Variants in SLC49A4 observed in about 807,000 individuals in gnomAD.
SLC49A4 encodes the protein solute carrier family 49 member 4.
Under a neutral mutation model 50.6 loss-of-function variants are expected in SLC49A4, and 36 were observed. That is an observed-to-expected ratio of 0.71 (90% CI 0.55 to 0.94). The LOEUF (loss-of-function observed/expected upper bound fraction) is 0.94, where lower values mean the gene tolerates loss of function less well. Among genes scored for constraint, SLC49A4 ranks in the 40% least tolerant of loss-of-function variants. The pLI is 0.00. For synonymous variants in SLC49A4, 248 were observed against 241.2 expected (o/e 1.03, Z -0.26); for missense variants, 503 against 605.7 (o/e 0.83, Z 1.78).
intron 3 of SLC49A4, among the ~76,000 whole-genome samples, chr3:122,829,302 T>C (rs1376960069): frequency 6.6e-6 from 1 of 152,220 alleles, no homozygotes; most frequent in Non-Finnish European, 1.5e-5. Context: ...ATTTATGGAA[T>C]GTATCATATC....
intron 4 of SLC49A4, among the ~76,000 whole-genome samples, chr3:122,834,568 A>G (rs535527983): frequency 6.6e-5 from 10 of 152,204 alleles, no homozygotes; most frequent in Non-Finnish European, 1.5e-4. Flanking sequence ...AAGCAGCGCT[A>G]AGAGGAAAGT....
chr3:122,813,232 C>A (rs1480416770), intron 2 of SLC49A4, among the ~76,000 whole-genome samples: 1 of 144,206 alleles, frequency 6.9e-6, no homozygotes. Flanking sequence ...TAGAGCGAGA[C>A]TCTGTCTCAA....
chr3:122,828,519 G>A (rs1936566575), intron 3 of SLC49A4, among the ~76,000 whole-genome samples: 1 of 152,194 alleles, frequency 6.6e-6, no homozygotes, highest in African/African-American at 2.4e-5. Context: ...CTTAGATCTA[G>A]TGAGAGTACT....
intron 8 of SLC49A4, among the ~76,000 whole-genome samples, chr3:122,873,146 C>T (rs139513312): frequency 3.3e-5 from 5 of 151,940 alleles, no homozygotes; most frequent in East Asian, 1.9e-4. Context: ...AAATAATAAC[C>T]GTGCTAACCT....
chr3:122,879,218 G>A (rs1254784883), intron 8 of SLC49A4, 45 bp from the exon 9 acceptor site: 7 of 1,380,044 alleles, frequency 5.1e-6, no homozygotes, highest in Non-Finnish European at 7.2e-6. Context: ...GTGGTCTGCT[G>A]GTGATACATG....
intron 5 of SLC49A4, among the ~76,000 whole-genome samples, chr3:122,851,838 T>C (rs961609048): frequency 2.0e-5 from 3 of 152,172 alleles, no homozygotes; most frequent in African/African-American, 7.2e-5. Context: ...CCCACTTTTT[T>C]TTGTTATGAC....
intron 4 of SLC49A4, among the ~76,000 whole-genome samples, 156 bp from the exon 5 acceptor site, chr3:122,845,606 CG>C (rs1437911697): frequency 2.3e-4 from 27 of 115,680 alleles, no homozygotes; most frequent in Middle Eastern, 5.2e-3. Context: ...CTTTCCAGCA[CG>C]TTTTTTTTTT....
At chr3:122,809,276 A>G (rs1487525076) in intron 2 of SLC49A4, among the ~76,000 whole-genome samples, 1 of 152,222 alleles carries the variant, frequency 6.6e-6, no homozygotes, top group Non-Finnish European at 1.5e-5. Flanking sequence ...ATAATTTTCC[A>G]TCCTTCTCAG....
chr3:122,796,056 G>C (rs1196306756), intron 1 of SLC49A4, among the ~76,000 whole-genome samples: 1 of 152,204 alleles, frequency 6.6e-6, no homozygotes, highest in Non-Finnish European at 1.5e-5. Context: ...GTGCTCGGCA[G>C]CTTTAAAATG....
At chr3:122,831,982 GA>G (rs947886308) in intron 3 of SLC49A4, among the ~76,000 whole-genome samples, 15 of 149,502 alleles carry the variant, frequency 1.0e-4, no homozygotes, top group East Asian at 5.9e-4. Context: ...AAAAAAGAAA[GA>G]AAAAAAAGGA....
intron 2 of SLC49A4, among the ~76,000 whole-genome samples, chr3:122,825,642 A>AG (rs1936515483): frequency 6.6e-6 from 1 of 151,746 alleles, no homozygotes; most frequent in East Asian, 1.9e-4. Context: ...GTTTAAAAAA[A>AG]AAAAGAGGAT....
rs1270120351 is a variant in SLC49A4, at chr3:122,857,386, C to T, written c.1010+1012C>T. ...TATTTCCAAAGAGATAATATTCATT[C>T]ACTTCCCAAATCATTTTACTCTGCT... is the stretch of plus-strand genomic sequence containing the variant. On this transcript the variant is annotated intron_variant, in intron 6 of 8. Transcript: ENST00000261038. Among the ~76,000 whole-genome samples the T allele has an allele frequency of 4.0e-5, 6 of 151,222 alleles. No homozygotes were observed. The South Asian group carries it at 8.4e-4, about 21-fold the overall frequency.
chr3:122,852,642 TC>T (rs1936940380), intron 5 of SLC49A4, among the ~76,000 whole-genome samples: 1 of 152,198 alleles, frequency 6.6e-6, no homozygotes. Context: ...TGGGCTTTAG[TC>T]CCTCAGGAGG....
chr3:122,802,774 A>C (rs1182896194), intron 1 of SLC49A4, among the ~76,000 whole-genome samples: 2 of 152,212 alleles, frequency 1.3e-5, no homozygotes, highest in African/African-American at 4.8e-5. Context: ...AAAAAAATAT[A>C]CTGGACAGGA....
intron 2 of SLC49A4, among the ~76,000 whole-genome samples, chr3:122,814,564 A>G (rs1936339097): frequency 6.6e-6 from 1 of 152,198 alleles, no homozygotes. Flanking sequence ...TATTGACAGC[A>G]TATGTATATG....
At chr3:122,842,261 C>T (rs1056132521) in intron 4 of SLC49A4, among the ~76,000 whole-genome samples, 16 of 151,676 alleles carry the variant, frequency 1.1e-4, no homozygotes, top group African/African-American at 3.9e-4. Context: ...CCGAGGCGGG[C>T]GGATCACGAG....
rs749949978 is a variant in SLC49A4 at position 122,880,117 on chromosome 3, G to GA, written c.*745dup. Reference sequence around the variant, plus strand: ...AATATGATTACATTAAATATTGTATGAAAAAATGTAATTCCATTAGGATCT... The same window carrying GA: ...AATATGATTACATTAAATATTGTATGAAAAAAATGTAATTCCATTAGGATCT... On this transcript the variant is annotated 3_prime_UTR_variant, in exon 9 of 9. Coordinates refer to ENST00000261038, the MANE Select transcript of SLC49A4 (RefSeq NM_032839.3). 6.6e-6 allele frequency: 1 copy of GA among 152,120 alleles called. No homozygotes were observed. The allele number at this position is 152,120 out of a possible 1,614,324, so 9.4% of individuals were successfully genotyped here.
intron 2 of SLC49A4, among the ~76,000 whole-genome samples, chr3:122,811,411 G>GA (rs886701427): frequency 6.6e-6 from 1 of 152,144 alleles, no homozygotes; most frequent in Admixed American, 6.5e-5. Flanking sequence ...TGGCAAAGAT[G>GA]AAAAAAATTG....
intron 4 of SLC49A4, among the ~76,000 whole-genome samples, chr3:122,834,946 T>C (rs926071757): frequency 1.1e-4 from 17 of 151,840 alleles, no homozygotes; most frequent in Non-Finnish European, 2.4e-4. Flanking sequence ...AACTAGAAAA[T>C]CTAGGGGAAA....
Sources: allele counts gnomAD v4.1 joint callset (sites outside exome capture counted in the v4.1 genomes callset), GRCh38; gene constraint gnomAD v4.1.1; transcripts MANE v1.5; gene names NCBI Gene and HGNC (gene_info 2026-07-23, HGNC 2026-07-21).